Variants in NKAIN3 observed in about 807,000 individuals in gnomAD.
NKAIN3 encodes sodium/potassium-transporting ATPase subunit beta-1-interacting protein 3.
Under a neutral mutation model 30.2 loss-of-function variants are expected in NKAIN3, and 25 were observed. The ratio of observed to expected loss-of-function variants is 0.83; its 90% CI spans 0.60 to 1.16. The LOEUF (loss-of-function observed/expected upper bound fraction) is 1.16, where lower values mean the gene tolerates loss of function less well. NKAIN3 is among the 50% of genes most tolerant of loss of function. NKAIN3 has a pLI of 0.00. For missense variants in NKAIN3, 225 were observed against 254.1 expected, an observed-to-expected ratio of 0.89 and a Z score of 0.78; for synonymous variants, 91 against 89.6, an observed-to-expected ratio of 1.02 and a Z score of -0.09.
At chr8:62,768,135 C>T (rs1265690393) in intron 4 of NKAIN3, among the ~76,000 whole-genome samples, 1 of 152,110 alleles carries the variant, frequency 6.6e-6, no homozygotes, top group Non-Finnish European at 1.5e-5. Flanking sequence ...TTGGACTGTT[C>T]TAAGTGTAAA....
chr8:62,738,684 T>C (rs945011773), intron 3 of NKAIN3, among the ~76,000 whole-genome samples: 1 of 152,182 alleles, frequency 6.6e-6, no homozygotes, highest in African/African-American at 2.4e-5. Flanking sequence ...GGTTGTTTTT[T>C]CTTGTAAATT....
At chr8:62,414,083 T>C (rs1804353420) in intron 1 of NKAIN3, among the ~76,000 whole-genome samples, 1 of 152,178 alleles carries the variant, frequency 6.6e-6, no homozygotes, top group Non-Finnish European at 1.5e-5. Flanking sequence ...TGCATACGTA[T>C]GTCTTTGATT....
intron 4 of NKAIN3, among the ~76,000 whole-genome samples, chr8:62,764,115 G>A (rs1335722163): frequency 6.6e-6 from 1 of 152,196 alleles, no homozygotes; most frequent in African/African-American, 2.4e-5. Context: ...TTTGGCTGAT[G>A]CCCTTTGGGT....
intron 1 of NKAIN3, among the ~76,000 whole-genome samples, chr8:62,416,048 G>T (rs958760435): frequency 1.3e-5 from 2 of 152,032 alleles, no homozygotes; most frequent in Non-Finnish European, 2.9e-5. Flanking sequence ...GAGCCACCAC[G>T]CCTGGCCTAA....
In NKAIN3 at chr8:62,976,916, G is replaced by A. The variant is rs74638866; in HGVS notation, c.*11509G>A. 1.3e-3 allele frequency among the ~76,000 whole-genome samples: 201 copies of A among 152,288 alleles called. 1 individual carries two copies. The highest frequency in any genetic ancestry group is 4.7e-3 in the African/African-American group (195 of 41,558). Reference sequence around the variant, plus strand: ...TCCTCAGCATTTGCTTGTCTGTAAAGGATTTTATTTCTCCTTCACTTGTGA... The same window carrying A: ...TCCTCAGCATTTGCTTGTCTGTAAAAGATTTTATTTCTCCTTCACTTGTGA... On this transcript the variant is annotated 3_prime_UTR_variant, in exon 7 of 7. Coordinates refer to ENST00000623646, the MANE Select transcript of NKAIN3 (RefSeq NM_001304533.3).
intron 4 of NKAIN3, among the ~76,000 whole-genome samples, chr8:62,801,041 C>T: frequency 6.6e-6 from 1 of 152,170 alleles, no homozygotes; most frequent in Non-Finnish European, 1.5e-5. Flanking sequence ...GATCAAACTG[C>T]AAGGCAGCAG....
chr8:62,506,171 G>GC (rs1807628668), intron 1 of NKAIN3, among the ~76,000 whole-genome samples: 1 of 141,764 alleles, frequency 7.1e-6, no homozygotes, highest in Non-Finnish European at 1.5e-5. Context: ...AATCACATCT[G>GC]CAAAGTCTTT....
intron 1 of NKAIN3, among the ~76,000 whole-genome samples, chr8:62,322,895 G>A (rs1342363952): frequency 4.6e-5 from 7 of 152,156 alleles, no homozygotes; most frequent in African/African-American, 1.4e-4. Flanking sequence ...TGCACAGATC[G>A]CTAATAAACA....
intron 1 of NKAIN3, among the ~76,000 whole-genome samples, chr8:62,285,934 G>A (rs1051783933): frequency 1.3e-5 from 2 of 152,126 alleles, no homozygotes; most frequent in African/African-American, 4.8e-5. Context: ...ATGCATGTGG[G>A]CGTATTTATG....
At chr8:62,278,796 G>GGTTC (rs879599076) in intron 1 of NKAIN3, among the ~76,000 whole-genome samples, 7 of 152,160 alleles carry the variant, frequency 4.6e-5, no homozygotes, top group Non-Finnish European at 8.8e-5. Flanking sequence ...CATTTAGGTT[G>GGTTC]GTTCCAAGTC....
intron 1 of NKAIN3, among the ~76,000 whole-genome samples, chr8:62,382,522 G>T (rs939156518): frequency 2.0e-5 from 3 of 152,066 alleles, no homozygotes; most frequent in African/African-American, 7.2e-5. Context: ...CTCTAAGTAT[G>T]TTTCTATATT....
At chr8:62,547,760 C>G (rs912252934) in intron 1 of NKAIN3, among the ~76,000 whole-genome samples, 1 of 152,140 alleles carries the variant, frequency 6.6e-6, no homozygotes, top group African/African-American at 2.4e-5. Flanking sequence ...TGAGGAGAGC[C>G]TGGGTTGACT....
intron 4 of NKAIN3, among the ~76,000 whole-genome samples, chr8:62,803,822 G>T (rs1367542904): frequency 6.6e-6 from 1 of 152,170 alleles, no homozygotes; most frequent in African/African-American, 2.4e-5. Flanking sequence ...AATGAATCCA[G>T]GAGCTGGTTT....
At chr8:62,942,225 CATATATATACACATATATATACAT>C (rs1379200574) in intron 5 of NKAIN3, among the ~76,000 whole-genome samples, 46 of 51,700 alleles carry the variant, frequency 8.9e-4, no homozygotes, top group South Asian at 6.9e-3. Flanking sequence ...CATATATATA[CATATATATACACATATATATACAT>C]ATATATATAC....
At chr8:62,532,192 G>A (rs934600957) in intron 1 of NKAIN3, among the ~76,000 whole-genome samples, 7 of 152,070 alleles carry the variant, frequency 4.6e-5, no homozygotes, top group African/African-American at 1.4e-4. Flanking sequence ...TGAGATGACC[G>A]TTGAAAGTGT....
Position 62,977,638 on chromosome 8 carries a change from C to G in NKAIN3, c.*12231C>G, listed in dbSNP as rs1027797655. On this transcript the variant is annotated 3_prime_UTR_variant, in exon 7 of 7. Transcript: ENST00000623646. ...ACCTTTTATCAAGGTTCTTAGCTTC[C>G]TCGTATTGGGTTACTATATGTTCCA... is the stretch of plus-strand genomic sequence containing the variant. Among the ~76,000 whole-genome samples the G allele has an allele frequency of 1.3e-5, 2 of 151,986 alleles. No homozygotes were observed. Among genetic ancestry groups the G allele is most frequent in the Non-Finnish European group, 1.5e-5 (1 of 68,006 alleles).
chr8:62,739,919 A>AT (rs1014277847), intron 3 of NKAIN3, among the ~76,000 whole-genome samples: 18 of 152,148 alleles, frequency 1.2e-4, no homozygotes, highest in African/African-American at 4.8e-5. Context: ...TGCAGGATAA[A>AT]TTTTTTTAGA....
chr8:62,905,445 C>T (rs1224912925), intron 4 of NKAIN3, among the ~76,000 whole-genome samples: 1 of 152,184 alleles, frequency 6.6e-6, no homozygotes, highest in Non-Finnish European at 1.5e-5. Flanking sequence ...AAAATTCAAA[C>T]ATGCTATAAT....
downstream of NKAIN3, chr8:62,984,911 T>G (rs1180482895): frequency 6.6e-6 from 1 of 152,238 alleles, no homozygotes; most frequent in Admixed American, 6.5e-5. Flanking sequence ...ACAAGATGAC[T>G]ACTGTTTTTA....
Sources: gnomAD v4.1 joint callset for allele counts (sites outside exome capture counted in the v4.1 genomes callset) on GRCh38, gnomAD v4.1.1 for gene constraint, MANE v1.5 for transcripts, NCBI Gene and HGNC (gene_info 2026-07-23, HGNC 2026-07-21) for gene names.